CAPN3: variants seen among roughly 807,000 people sequenced by gnomAD.
CAPN3 encodes the protein calpain-3.
CAPN3 carries 88 observed loss-of-function variants against 114.0 expected under a neutral mutation model. That is an observed-to-expected ratio of 0.77 (90% CI 0.65 to 0.92). CAPN3 has a LOEUF of 0.92. Ranked by LOEUF, CAPN3 falls within the 40% of genes least tolerant of loss-of-function variation. The pLI is 0.00. For synonymous variants in CAPN3, 386 were observed against 382.9 expected (o/e 1.01, Z -0.09); for missense variants, 1,028 against 1,069.0 (o/e 0.96, Z 0.53).
intron 4 of CAPN3, among the ~76,000 whole-genome samples, chr15:42,388,218 G>A (rs572113638): frequency 1.3e-5 from 2 of 152,292 alleles, no homozygotes; most frequent in East Asian, 3.9e-4. Context: ...CCAGGGTCTC[G>A]CTTGGCTCAA....
intron 1 of CAPN3, among the ~76,000 whole-genome samples, chr15:42,380,747 ATATATTTTT>A (rs2053225737): frequency 1.7e-5 from 1 of 58,526 alleles, no homozygotes; most frequent in Non-Finnish European, 2.9e-5. Context: ...ATATATATAT[ATATATTTTT>A]TTTTTTTTTT....
intron 12 of CAPN3, chr15:42,402,385 A>T: frequency 6.9e-7 from 1 of 1,448,846 alleles, no homozygotes; most frequent in Non-Finnish European, 9.0e-7. Context: ...GCCTTTGCAC[A>T]CTCACCCTCC....
At chr15:42,411,233 A>G in intron 22 of CAPN3, 54 bp from the exon 23 acceptor site, 6 of 1,424,074 alleles carry the variant, frequency 4.2e-6, no homozygotes, top group Non-Finnish European at 6.0e-6. Context: ...AAGTTACAGT[A>G]GTAGAGGCGG....
At chr15:42,389,882 C>T in intron 5 of CAPN3, 71 bp from the exon 6 acceptor site, 2 of 1,518,836 alleles carry the variant, frequency 1.3e-6, no homozygotes, top group Non-Finnish European at 1.8e-6. Flanking sequence ...CTCTCTCCTT[C>T]CCTTTCCACC....
rs1566979528 is a variant in CAPN3 at position 42,399,645 on chromosome 15, C to A, written c.1347C>A (p.Asn449Lys). The part of the protein sequence containing the change: ...VRGCSAGGCR[N>K]FPDTFWTNPQ... ...GTTGCTCTGCCGGAGGCTGCCGCAA[C>A]TTCCCAGGTGGGAGATGCTCTTGAT... Residue 449 changes from asparagine (N) to lysine (K), a missense_variant, in exon 10 of 24, where the codon AAC becomes AAA. Asn to Lys is a moderately conservative substitution (Grantham distance 94). Transcript: ENST00000397163. The A allele has an allele frequency of 1.2e-6, 2 of 1,601,690 alleles. No individual in the cohort carries two copies. The highest frequency in any genetic ancestry group is 1.7e-6 in the Non-Finnish European group (2 of 1,172,962).
At chr15:42,404,841 T>G in intron 14 of CAPN3, 4 of 1,073,614 alleles carry the variant, frequency 3.7e-6, no homozygotes, top group Non-Finnish European at 4.5e-6. Context: ...CACAGGCGAT[T>G]GGTTTTAGTG....
At chr15:42,411,449 G>A in intron 23 of CAPN3, 104 bp downstream of exon 23, 1 of 1,074,614 alleles carries the variant, frequency 9.3e-7, no homozygotes, top group Non-Finnish European at 1.5e-6. Flanking sequence ...TCCACACAGT[G>A]GTGGAGGGAA....
chr15:42,368,207 C>T (rs1413077370), intron 1 of CAPN3, among the ~76,000 whole-genome samples: 2 of 152,210 alleles, frequency 1.3e-5, no homozygotes, highest in Non-Finnish European at 2.9e-5. Flanking sequence ...TGAGTCACCC[C>T]ACATGCCTGT....
intron 7 of CAPN3, 120 bp from the exon 8 acceptor site, chr15:42,394,136 C>T (rs578208978): frequency 1.1e-6 from 1 of 919,478 alleles, no homozygotes; most frequent in African/African-American, 1.6e-5. Flanking sequence ...TGGCCAGAGC[C>T]AGGCAGAACA....
chr15:42,366,911 G>A (rs552469596), intron 1 of CAPN3, among the ~76,000 whole-genome samples: 11 of 143,190 alleles, frequency 7.7e-5, no homozygotes, highest in African/African-American at 3.0e-4. Flanking sequence ...TCAGCTCACT[G>A]CAACCTCCAC....
chr15:42,397,084 C>T (rs1412935373), intron 9 of CAPN3, among the ~76,000 whole-genome samples: 1 of 152,184 alleles, frequency 6.6e-6, no homozygotes, highest in African/African-American at 2.4e-5. Flanking sequence ...ACCAGGCCAA[C>T]ATGACATGGC....
chr15:42,369,875 T>C (rs369038215), intron 1 of CAPN3, among the ~76,000 whole-genome samples: 1,598 of 150,368 alleles, frequency 0.011, 26 homozygotes, highest in African/African-American at 0.035. Flanking sequence ...TCTTTCTTTT[T>C]TTTTTTTTTT....
chr15:42,376,123 A>G (rs1263064637), intron 1 of CAPN3, among the ~76,000 whole-genome samples: 3 of 152,298 alleles, frequency 2.0e-5, no homozygotes, highest in South Asian at 4.1e-4. Flanking sequence ...ATTATATATC[A>G]AGGATGCGGG....
At chr15:42,391,614 G>A (rs779603083) in intron 6 of CAPN3, among the ~76,000 whole-genome samples, 9 of 152,176 alleles carry the variant, frequency 5.9e-5, no homozygotes, top group Admixed American at 2.0e-4. Flanking sequence ...AAGCTGTTAC[G>A]TTAGTAGGCA....
At chr15:42,361,016 G>A (rs1276046306) in intron 1 of CAPN3, among the ~76,000 whole-genome samples, 2 of 152,202 alleles carry the variant, frequency 1.3e-5, no homozygotes, top group African/African-American at 4.8e-5. Flanking sequence ...AAGGGAAGAT[G>A]GGCATTGAAC....
At chr15:42,382,542 T>A (rs2053278968) in intron 1 of CAPN3, among the ~76,000 whole-genome samples, 1 of 152,124 alleles carries the variant, frequency 6.6e-6, no homozygotes, top group African/African-American at 2.4e-5. Context: ...CTAATCCTTT[T>A]AATCTTTGTA....
chr15:42,411,242 G>A (rs201403194), intron 22 of CAPN3, 45 bp from the exon 23 acceptor site: 346 of 1,521,966 alleles, frequency 2.3e-4, no homozygotes, highest in East Asian at 1.2e-3. Context: ...TAGTAGAGGC[G>A]GAGTGCGCCT....
At chr15:42,380,814 C>T (rs1402419833) in intron 1 of CAPN3, among the ~76,000 whole-genome samples, 2 of 137,620 alleles carry the variant, frequency 1.5e-5, no homozygotes, top group East Asian at 4.2e-4. Context: ...TGGCCTCAAA[C>T]TCCTGAGCTT....
rs770443379 is a variant in CAPN3 at position 42,410,473 on chromosome 15, TG to T, written c.2163del (p.Trp721Ter). The stretch of plus-strand genomic sequence containing the variant: ...CAACCTGCAGGAGTTCCACCACCTC[TG>T]GAACAAGATTAAGGCCTGGCAGGTG... ...KLNLQEFHHL[W>X]NKIKAWQKIF... On this transcript the variant is annotated frameshift_variant, in exon 20 of 24. Transcript: ENST00000397163. LOFTEE classifies it high-confidence loss of function. 2 of 1,613,952 alleles carry T rather than the reference TG, an allele frequency of 1.2e-6. No individual in the cohort carries two copies. The highest frequency in any genetic ancestry group is 2.2e-5 in the East Asian group (1 of 44,890).
Sources: gnomAD v4.1 joint callset for allele counts (sites outside exome capture counted in the v4.1 genomes callset) on GRCh38, gnomAD v4.1.1 for gene constraint, MANE v1.5 for transcripts, NCBI Gene and HGNC (gene_info 2026-07-23, HGNC 2026-07-21) for gene names.